Variants in COL22A1 observed in about 807,000 individuals in gnomAD.
The protein encoded by COL22A1 is collagen alpha-1(XXII) chain.
A neutral mutation model predicts 248.9 loss-of-function variants in COL22A1; 221 were observed. The observed-to-expected ratio is 0.89, with a 90% CI of 0.80 to 0.99. The LOEUF is 0.99. Among genes scored for constraint, COL22A1 ranks in the 50% least tolerant of loss-of-function variants. The pLI is 0.00. For missense variants in COL22A1, 2,240 were observed against 2,179.0 expected (o/e 1.03, Z -0.56); for synonymous variants, 891 against 793.4 (o/e 1.12, Z -2.07).
At chr8:138,760,837 G>A (rs1177910966) in intron 17 of COL22A1, among the ~76,000 whole-genome samples, 1 of 152,150 alleles carries the variant, frequency 6.6e-6, no homozygotes, top group Admixed American at 6.5e-5. Flanking sequence ...CTTTCCACCA[G>A]CGGCCAAGAG....
Position 138,812,057 on chromosome 8 carries a change from GCCTTGGGGCAGAAAGCCTGGCCGGCCC to G in COL22A1, c.1327-163_1327-137del, listed in dbSNP as rs1818283571. 2.8e-6 allele frequency: 3 copies of G among 1,086,930 alleles called. No homozygotes were observed. In the East Asian group the frequency reaches 8.0e-5, roughly 29 times the overall value. The allele number at this position is 1,086,930 out of a possible 1,614,324, so 67.3% of individuals were successfully genotyped here. On this transcript the variant is annotated intron_variant, in intron 8 of 64. Transcript: ENST00000303045. Reference sequence around the variant, plus strand: ...AAACGCTGAGGATGTCTCTCCTGAGGCCTTGGGGCAGAAAGCCTGGCCGGCCCAGGCTCAGCCATTTCACTGGCTGGC... The same window carrying G: ...AAACGCTGAGGATGTCTCTCCTGAGGAGGCTCAGCCATTTCACTGGCTGGC...
At chr8:138,609,125 C>T (rs4076439) in intron 56 of COL22A1, among the ~76,000 whole-genome samples, 101,538 of 152,186 alleles carry the variant, frequency 0.67, 35,183 homozygotes, top group Middle Eastern at 0.82. Context: ...CGGGCACTTC[C>T]TACATGCCAG....
chr8:138,716,084 G>A lies in COL22A1; in HGVS notation c.2463+143C>T, dbSNP rs144438601. The A allele has an allele frequency of 6.4e-3, 4,293 of 672,026 alleles. 22 individuals are homozygous for A. The highest frequency in any genetic ancestry group is 7.0e-3 in the Non-Finnish European group (2,748 of 391,972). 41.6% of individuals were successfully genotyped at this position (672,026 alleles called of 1,614,324 possible). A position where few individuals can be genotyped will look rare whatever the true frequency, so the allele number is the denominator to read the frequency against. ...CCCAAGTAGTCTTATCCCCTTCCCC[G>A]TCCCTTCCATCAACACTGAGAAATA... is the stretch of plus-strand genomic sequence containing the variant. On this transcript the variant is annotated intron_variant, in intron 29 of 64. Transcript: ENST00000303045.
intron 40 of COL22A1, among the ~76,000 whole-genome samples, chr8:138,678,492 A>G (rs1825732157): frequency 6.6e-6 from 1 of 152,208 alleles, no homozygotes; most frequent in South Asian, 2.1e-4. Flanking sequence ...ATAATATGAT[A>G]TGAATGGTTC....
At chr8:138,838,820 T>C (rs1014917718) in intron 4 of COL22A1, among the ~76,000 whole-genome samples, 3 of 152,152 alleles carry the variant, frequency 2.0e-5, no homozygotes, top group Non-Finnish European at 4.4e-5. Context: ...AGCACCTCGC[T>C]GAAGCCAGGG....
intron 2 of COL22A1, among the ~76,000 whole-genome samples, chr8:138,881,838 A>G (rs1405006166): frequency 6.6e-6 from 1 of 152,160 alleles, no homozygotes; most frequent in Non-Finnish European, 1.5e-5. Context: ...TGCAGGCTCT[A>G]TGCCGGGGTT....
rs576360081 is a variant in COL22A1 at position 138,794,388 on chromosome 8, A to C, written c.1596+2431T>G. Among the ~76,000 whole-genome samples the C allele has an allele frequency of 2.9e-3, 398 of 139,268 alleles. 1 individual carries two copies. The highest frequency in any genetic ancestry group is 0.011 in the African/African-American group (375 of 35,670). 91.4% of individuals were successfully genotyped at this position (139,268 alleles called of 152,430 possible). A position where few individuals can be genotyped will look rare whatever the true frequency, so the allele number is the denominator to read the frequency against. On this transcript the variant is annotated intron_variant, in intron 12 of 64. Coordinates refer to ENST00000303045, the MANE Select transcript of COL22A1 (RefSeq NM_152888.3). Reference sequence around the variant, plus strand: ...GCGACAGAGTGAGACTCCATCTCCAAAAAAAAAAAAAAGGAGCTGCTGAAC... The same window carrying C: ...GCGACAGAGTGAGACTCCATCTCCACAAAAAAAAAAAAGGAGCTGCTGAAC...
intron 23 of COL22A1, among the ~76,000 whole-genome samples, chr8:138,726,488 C>T (rs1045250672): frequency 2.2e-5 from 2 of 91,292 alleles, no homozygotes; most frequent in South Asian, 5.9e-4. Context: ...AGAGCAATAT[C>T]CTGTATCTAC....
At chr8:138,869,317 G>A (rs899383963) in intron 3 of COL22A1, among the ~76,000 whole-genome samples, 5 of 152,182 alleles carry the variant, frequency 3.3e-5, no homozygotes, top group East Asian at 1.9e-4. Flanking sequence ...AAGATAAATC[G>A]CCATCAATTT....
At chr8:138,679,807 G>A (rs1311475203) in intron 39 of COL22A1, 131 bp from the exon 40 acceptor site, 2 of 791,814 alleles carry the variant, frequency 2.5e-6, no homozygotes, top group African/African-American at 3.4e-5. Flanking sequence ...TTAGGGTCTG[G>A]CACAGGTGGC....
At chr8:138,830,605 G>A (rs1191038613) in intron 5 of COL22A1, among the ~76,000 whole-genome samples, 1 of 152,154 alleles carries the variant, frequency 6.6e-6, no homozygotes, top group Non-Finnish European at 1.5e-5. Flanking sequence ...CCGGAATCGG[G>A]GTCCCATGCT....
intron 12 of COL22A1, among the ~76,000 whole-genome samples, chr8:138,781,847 T>C (rs942207394): frequency 6.6e-6 from 1 of 152,220 alleles, no homozygotes; most frequent in Admixed American, 6.5e-5. Flanking sequence ...CGCCTCTCTC[T>C]GGGCTGTTTC....
At chr8:138,618,370 C>T (rs558242005) in intron 53 of COL22A1, among the ~76,000 whole-genome samples, 1 of 152,306 alleles carries the variant, frequency 6.6e-6, no homozygotes, top group South Asian at 2.1e-4. Context: ...GCTTTCTAAC[C>T]TCAGCTCTTT....
intron 30 of COL22A1, among the ~76,000 whole-genome samples, chr8:138,714,547 C>CA (rs1487772025): frequency 3.3e-5 from 5 of 152,180 alleles, no homozygotes; most frequent in African/African-American, 1.2e-4. Flanking sequence ...GGACAGCTCC[C>CA]TCCCCTTGTC....
At chr8:138,886,993 G>A (rs534505198) in intron 1 of COL22A1, among the ~76,000 whole-genome samples, 25 of 152,212 alleles carry the variant, frequency 1.6e-4, no homozygotes, top group African/African-American at 5.8e-4. Flanking sequence ...CATGCAACAT[G>A]AAATAGCCAC....
At chr8:138,849,321 C>T (rs1008257609) in intron 3 of COL22A1, among the ~76,000 whole-genome samples, 36 of 152,182 alleles carry the variant, frequency 2.4e-4, no homozygotes, top group African/African-American at 7.7e-4. Context: ...TTGCTGTGCA[C>T]CAGACGCTGT....
chr8:138,688,865 G>C lies in COL22A1; in HGVS notation c.2862+52C>G, dbSNP rs556095507. ...AGAGTGAGCTGCTCCTTCAGTGCCT[G>C]TAAGAAGTTAAGGATATTCACTTGT... On this transcript the variant is annotated intron_variant, in intron 37 of 64. Transcript: ENST00000303045. The C allele has an allele frequency of 8.0e-6, 12 of 1,501,920 alleles. No homozygotes were observed. In the East Asian group the frequency reaches 2.7e-4, roughly 34 times the overall value. 93.0% of individuals were successfully genotyped at this position (1,501,920 alleles called of 1,614,324 possible). A position where few individuals can be genotyped will look rare whatever the true frequency, so the allele number is the denominator to read the frequency against.
At chr8:138,815,208 CT>C (rs1332251647) in intron 7 of COL22A1, among the ~76,000 whole-genome samples, 2 of 152,148 alleles carry the variant, frequency 1.3e-5, no homozygotes, top group Non-Finnish European at 2.9e-5. Flanking sequence ...TTGGGTATGT[CT>C]TTATTAGCAG....
chr8:138,623,703 G>A, intron 52 of COL22A1, 29 bp downstream of exon 52: 1 of 1,585,362 alleles, frequency 6.3e-7, no homozygotes, highest in Non-Finnish European at 8.6e-7. Context: ...TTTGGCATGT[G>A]ATATAATAGG....
Sources: allele counts gnomAD v4.1 joint callset (sites outside exome capture counted in the v4.1 genomes callset), GRCh38; gene constraint gnomAD v4.1.1; transcripts MANE v1.5; gene names NCBI Gene and HGNC (gene_info 2026-07-23, HGNC 2026-07-21).